Variants in LIPH observed in about 807,000 individuals in gnomAD.
The protein encoded by LIPH is lipase member H.
A neutral mutation model predicts 47.6 loss-of-function variants in LIPH; 32 were observed. That is an observed-to-expected ratio of 0.67 (90% confidence interval 0.51 to 0.90). The LOEUF (loss-of-function observed/expected upper bound fraction) is 0.90, where lower values mean the gene tolerates loss of function less well. LIPH is among the 40% of genes least tolerant of loss of function. LIPH has a pLI of 0.00. For synonymous variants in LIPH, 190 were observed against 195.6 expected (o/e 0.97, Z 0.24); for missense variants, 497 against 541.4 (o/e 0.92, Z 0.81).
intron 1 of LIPH, among the ~76,000 whole-genome samples, chr3:185,537,713 C>T (rs1470653653): frequency 6.6e-6 from 1 of 152,088 alleles, no homozygotes; most frequent in Non-Finnish European, 1.5e-5. Context: ...CGCCTATCTG[C>T]CCAAGAGAGG....
At chr3:185,540,497 C>T (rs1720667924) in intron 1 of LIPH, among the ~76,000 whole-genome samples, 1 of 152,144 alleles carries the variant, frequency 6.6e-6, no homozygotes, top group African/African-American at 2.4e-5. Context: ...GCGGGTGGAT[C>T]ACCTGAGGTC....
chr3:185,510,776 G>A (rs1432707274), intron 9 of LIPH, among the ~76,000 whole-genome samples: 2 of 152,126 alleles, frequency 1.3e-5, no homozygotes, highest in Non-Finnish European at 2.9e-5. Flanking sequence ...TGGGTGTGGT[G>A]GACGTGCCTG....
At chr3:185,513,168 C>T (rs537381452) in intron 8 of LIPH, among the ~76,000 whole-genome samples, 3 of 151,962 alleles carry the variant, frequency 2.0e-5, no homozygotes, top group South Asian at 2.1e-4. Flanking sequence ...TGTGAAAACC[C>T]GTCTCTACTA....
chr3:185,512,826 C>T lies in LIPH; in HGVS notation c.1095-1129G>A, dbSNP rs144417018. Among the ~76,000 whole-genome samples, 515 of 152,074 alleles carry T rather than the reference C, an allele frequency of 3.4e-3. 2 individuals carry two copies. The highest frequency in any genetic ancestry group is 3.5e-3 in the Non-Finnish European group (241 of 67,986). The stretch of plus-strand genomic sequence containing the variant: ...TACTTTGGGAATGGGGTAATCGTGA[C>T]GAGGTATCTGTCACCCCACTGGGAT... On this transcript the variant is annotated intron_variant, in intron 8 of 9. Coordinates refer to ENST00000296252, the MANE Select transcript of LIPH (RefSeq NM_139248.3).
chr3:185,512,357 G>A lies in LIPH; in HGVS notation c.1095-660C>T, dbSNP rs115801837. ...CAAGTGTATAGAGATGTTTTCTATAGGTGGAAAACCAAATTGAAGGTAAGG... is the reference window on the plus strand; with the variant it reads ...CAAGTGTATAGAGATGTTTTCTATAAGTGGAAAACCAAATTGAAGGTAAGG... On this transcript the variant is annotated intron_variant, in intron 8 of 9. Transcript: ENST00000296252. 1.5e-3 allele frequency among the ~76,000 whole-genome samples: 233 copies of A among 152,200 alleles called. 1 individual carries two copies. Among genetic ancestry groups the A allele is most frequent in the African/African-American group, 5.4e-3 (224 of 41,530 alleles).
intron 3 of LIPH, among the ~76,000 whole-genome samples, chr3:185,529,008 C>CAAAAA (rs11457671): frequency 9.0e-6 from 1 of 111,680 alleles, no homozygotes; most frequent in Non-Finnish European, 1.8e-5. Flanking sequence ...TTAAAAATAC[C>CAAAAA]AAAAAAAAAA....
At chr3:185,547,413 G>A (rs571911611) in intron 1 of LIPH, among the ~76,000 whole-genome samples, 2 of 152,218 alleles carry the variant, frequency 1.3e-5, no homozygotes, top group African/African-American at 4.8e-5. Flanking sequence ...GTGTGCTTGA[G>A]CTTTCTTCCC....
chr3:185,529,933 A>AGAAAGAAG (rs1720264995), intron 3 of LIPH, among the ~76,000 whole-genome samples: 1 of 48,480 alleles, frequency 2.1e-5, no homozygotes, highest in African/African-American at 5.5e-5. Flanking sequence ...AAAGAAAGAA[A>AGAAAGAAG]GAAAGAAAGA....
Position 185,529,184 on chromosome 3 carries a change from AAAAAAAAAG to A in LIPH, c.527-1608_527-1600del, listed in dbSNP as rs1274925840. On this transcript the variant is annotated intron_variant, in intron 3 of 9. Transcript: ENST00000296252. ...AGAGCGAGACTCCGTCTCAAAAAAA[AAAAAAAAAG>A]AAAAAAAGAAAAAGAAAAAGAAAGA... is the stretch of plus-strand genomic sequence containing the variant. 8.8e-5 allele frequency among the ~76,000 whole-genome samples: 13 copies of A among 147,510 alleles called. No individual in the cohort carries two copies. In the East Asian group the frequency reaches 1.8e-3, roughly 20 times the overall value.
chr3:185,516,147 CAT>C lies in LIPH; in HGVS notation c.982+918_982+919del, dbSNP rs369577786. Among the ~76,000 whole-genome samples, 179 of 151,306 alleles carry C rather than the reference CAT, an allele frequency of 1.2e-3. No homozygotes were observed. The East Asian group carries it at 0.013, about 11-fold the overall frequency. Reference sequence around the variant, plus strand: ...AGACCCTGTCTCAAAAAAAAATTAACATAGCCTGGGCATGGTGGCTGATGCCT... The same window carrying C: ...AGACCCTGTCTCAAAAAAAAATTAACAGCCTGGGCATGGTGGCTGATGCCT... On this transcript the variant is annotated intron_variant, in intron 7 of 9. Transcript: ENST00000296252.
At chr3:185,512,549 T>C (rs1719602213) in intron 8 of LIPH, among the ~76,000 whole-genome samples, 1 of 149,088 alleles carries the variant, frequency 6.7e-6, no homozygotes, top group African/African-American at 2.5e-5. Flanking sequence ...AGTGCAGTGG[T>C]GTGATCTCGG....
chr3:185,514,210 A>G (rs536801699), intron 8 of LIPH, among the ~76,000 whole-genome samples, 200 bp downstream of exon 8: 13 of 152,170 alleles, frequency 8.5e-5, no homozygotes, highest in African/African-American at 2.9e-4. Flanking sequence ...GAAGGAAAGA[A>G]AACCCTTGCA....
At chr3:185,542,462 G>A (rs909187539) in intron 1 of LIPH, among the ~76,000 whole-genome samples, 10 of 151,922 alleles carry the variant, frequency 6.6e-5, no homozygotes, top group East Asian at 1.9e-4. Context: ...GATTACAGGC[G>A]GCTGCCACCA....
intron 1 of LIPH, among the ~76,000 whole-genome samples, chr3:185,537,943 G>A (rs1160529747): frequency 6.6e-6 from 1 of 152,002 alleles, no homozygotes; most frequent in Non-Finnish European, 1.5e-5. Context: ...AGTAGCTGGG[G>A]CTACAGGTGC....
intron 2 of LIPH, among the ~76,000 whole-genome samples, chr3:185,533,996 G>C (rs932349182): frequency 6.6e-6 from 1 of 152,148 alleles, no homozygotes; most frequent in Non-Finnish European, 1.5e-5. Context: ...GGCCGAGGCG[G>C]GCAGATCACC....
intron 1 of LIPH, among the ~76,000 whole-genome samples, chr3:185,536,734 G>A (rs1391963453): frequency 6.6e-6 from 1 of 151,954 alleles, no homozygotes; most frequent in Admixed American, 6.6e-5. Context: ...AAATTTACAC[G>A]TGGCTAGATG....
At chr3:185,519,661 C>T (rs1719839400) in intron 5 of LIPH, among the ~76,000 whole-genome samples, 1 of 151,738 alleles carries the variant, frequency 6.6e-6, no homozygotes, top group South Asian at 2.1e-4. Context: ...CATGGGGAAA[C>T]CCCGTCTCTA....
chr3:185,520,086 G>A (rs1311824918), intron 5 of LIPH, among the ~76,000 whole-genome samples: 1 of 152,078 alleles, frequency 6.6e-6, no homozygotes, highest in Non-Finnish European at 1.5e-5. Context: ...AAAGCCCCTG[G>A]TCTAACATTG....
At chr3:185,527,990 C>T (rs1042382138) in intron 3 of LIPH, among the ~76,000 whole-genome samples, 2 of 151,468 alleles carry the variant, frequency 1.3e-5, no homozygotes, top group African/African-American at 2.4e-5. Flanking sequence ...TTTGGGAGGC[C>T]GAGGCAGGCA....
Sources: allele counts gnomAD v4.1 joint callset (sites outside exome capture counted in the v4.1 genomes callset), GRCh38; gene constraint gnomAD v4.1.1; transcripts MANE v1.5; gene names NCBI Gene and HGNC (gene_info 2026-07-23, HGNC 2026-07-21).